The following CLEC2L variants were observed in gnomAD, a reference collection of about 807,000 sequenced individuals.
CLEC2L encodes C-type lectin domain family 2 member L, also known as C-type lectin domain family 2, member L.
Under a neutral mutation model 23.6 loss-of-function variants are expected in CLEC2L, and 14 were observed. The observed-to-expected ratio is 0.59, with a 90% CI of 0.39 to 0.93. The LOEUF is 0.93. Ranked by LOEUF, CLEC2L falls within the 40% of genes least tolerant of loss-of-function variation. CLEC2L has a pLI of 0.00. For missense variants in CLEC2L, 264 were observed against 282.4 expected, an observed-to-expected ratio of 0.93 and a Z score of 0.47; for synonymous variants, 114 against 121.3, an observed-to-expected ratio of 0.94 and a Z score of 0.40.
chr7:139,527,861 C>G (rs923110907), intron 1 of CLEC2L, among the ~76,000 whole-genome samples: 1 of 152,062 alleles, frequency 6.6e-6, no homozygotes, highest in Non-Finnish European at 1.5e-5. Context: ...TAAAAATTAC[C>G]AAACTTCACA....
chr7:139,534,623 G>A (rs1189647454), intron 1 of CLEC2L: 10 of 657,772 alleles, frequency 1.5e-5, no homozygotes, highest in South Asian at 1.1e-4. Context: ...GTGCTGTAGC[G>A]GAAGTTTTGT....
At chr7:139,542,692 G>A (rs1166401787) in intron 4 of CLEC2L, among the ~76,000 whole-genome samples, 6 of 152,210 alleles carry the variant, frequency 3.9e-5, no homozygotes, top group Non-Finnish European at 8.8e-5. Context: ...TGGACGGAGC[G>A]CTGCTGAGGT....
At chr7:139,525,553 C>G (rs111992054) in intron 1 of CLEC2L, among the ~76,000 whole-genome samples, 2 of 152,126 alleles carry the variant, frequency 1.3e-5, no homozygotes, top group Non-Finnish European at 2.9e-5. Context: ...GACACCCCCC[C>G]GTGACGCTGT....
Position 139,524,072 on chromosome 7 carries a change from G to T in CLEC2L, c.145G>T (p.Gly49Trp). 7.3e-6 allele frequency: 9 copies of T among 1,225,506 alleles called. No individual in the cohort carries two copies. Among genetic ancestry groups the T allele is most frequent in the South Asian group, 4.1e-5 (1 of 24,246 alleles). 75.9% of individuals were successfully genotyped at this position (1,225,506 alleles called of 1,614,324 possible). ...RGPEGLLRRS[G>W]SGYEGSTSWK... is the part of the protein sequence containing the mutation. Reference sequence around the variant, plus strand: ...CCCCGAGGGGCTGCTGCGGCGATCCGGGTCGGGCTACGAGGGCAGCACCAG... The same window carrying T: ...CCCCGAGGGGCTGCTGCGGCGATCCTGGTCGGGCTACGAGGGCAGCACCAG... Residue 49 changes from glycine to tryptophan, a missense_variant, in exon 1 of 5, where the codon GGG (glycine) becomes TGG (tryptophan). Gly to Trp is a radical substitution (Grantham distance 184). Transcript: ENST00000422142.
intron 2 of CLEC2L, among the ~76,000 whole-genome samples, chr7:139,537,918 G>GC (rs1797682067): frequency 6.6e-6 from 1 of 152,166 alleles, no homozygotes; most frequent in Admixed American, 6.5e-5. Flanking sequence ...TATGAACAGG[G>GC]AATCTGATTA....
At chr7:139,535,795 T>A (rs1276096917) in intron 1 of CLEC2L, among the ~76,000 whole-genome samples, 4 of 152,084 alleles carry the variant, frequency 2.6e-5, no homozygotes, top group Non-Finnish European at 5.9e-5. Flanking sequence ...GAACGGGTTA[T>A]TTTGAGGAAC....
intron 1 of CLEC2L, among the ~76,000 whole-genome samples, chr7:139,531,352 T>C (rs1490096858): frequency 6.6e-6 from 1 of 152,102 alleles, no homozygotes; most frequent in Non-Finnish European, 1.5e-5. Context: ...GGGGTATTCA[T>C]AGAGCAGCAG....
chr7:139,534,382 C>T (rs1339542500), intron 1 of CLEC2L: 2 of 934,082 alleles, frequency 2.1e-6, no homozygotes, highest in Admixed American at 1.7e-5. Context: ...CCCAACAGTC[C>T]CTCTATCAAA....
chr7:139,542,209 C>T, intron 4 of CLEC2L, 88 bp downstream of exon 4: 1 of 878,962 alleles, frequency 1.1e-6, no homozygotes, highest in African/African-American at 1.7e-5. Flanking sequence ...AAGAGAGAAG[C>T]CCTTGTTTTG....
intron 4 of CLEC2L, among the ~76,000 whole-genome samples, chr7:139,543,671 T>C (rs898572762): frequency 2.8e-4 from 43 of 152,172 alleles, no homozygotes; most frequent in Non-Finnish European, 5.0e-4. Context: ...TTAGCCCATA[T>C]TGGGGTCATT....
Position 139,537,890 on chromosome 7 carries a change from T to C in CLEC2L, c.265+1542T>C, listed in dbSNP as rs138077116. Among the ~76,000 whole-genome samples, 392 of 152,290 alleles carry C rather than the reference T, an allele frequency of 2.6e-3. 2 individuals carry two copies. The highest frequency in any genetic ancestry group is 8.7e-3 in the African/African-American group (360 of 41,562). On this transcript the variant is annotated intron_variant, in intron 2 of 4. Transcript: ENST00000422142. Reference sequence around the variant, plus strand: ...AAATGAAAAAGGTAGAAACTGCAACTAAGAACATGTGAGGCTATATGAACA... The same window carrying C: ...AAATGAAAAAGGTAGAAACTGCAACCAAGAACATGTGAGGCTATATGAACA...
At chr7:139,534,599 C>G (rs1416231700) in intron 1 of CLEC2L, 1 of 707,328 alleles carries the variant, frequency 1.4e-6, no homozygotes, top group East Asian at 2.5e-5. Context: ...GCTTGGAACA[C>G]AGGTGAGTAC....
At chr7:139,531,836 G>A (rs975198859) in intron 1 of CLEC2L, among the ~76,000 whole-genome samples, 23 of 151,968 alleles carry the variant, frequency 1.5e-4, no homozygotes, top group African/African-American at 5.3e-4. Flanking sequence ...CTTGAACCCA[G>A]GAGGTGGAGG....
rs1263653447 is a variant in CLEC2L, at chr7:139,536,274, A to G, written c.191A>G (p.Asp64Gly). The G allele has an allele frequency of 6.4e-7, 1 of 1,550,744 alleles. No individual in the cohort carries two copies. Among genetic ancestry groups the G allele is most frequent in the Non-Finnish European group, 8.7e-7 (1 of 1,146,680 alleles). Residue 64 changes from aspartate to glycine, a missense_variant and splice_region_variant, in exon 2 of 5, where the codon GAC becomes GGC. Physicochemically the swap from Asp to Gly is moderately conservative, Grantham distance 94. Coordinates refer to ENST00000422142, the MANE Select transcript of CLEC2L (RefSeq NM_001080511.4). ...GSTSWKAALE[D>G]TTTRLLLGAI... ...GTTGAACCCCTCTCTCTTCTCCTAG[A>G]CACCACCACACGCCTCCTGCTGGGT... is the stretch of plus-strand genomic sequence containing the variant.
chr7:139,533,113 A>G (rs1797603103), intron 1 of CLEC2L, among the ~76,000 whole-genome samples: 1 of 152,228 alleles, frequency 6.6e-6, no homozygotes, highest in African/African-American at 2.4e-5. Flanking sequence ...ATAACACCAA[A>G]GTATCAAGCT....
Position 139,540,337 on chromosome 7 carries a change from C to G in CLEC2L, c.282C>G (p.Ile94Met). The G allele has an allele frequency of 1.9e-6, 3 of 1,610,508 alleles. No individual in the cohort carries two copies. Among genetic ancestry groups the G allele is most frequent in the Non-Finnish European group, 2.5e-6 (3 of 1,178,820 alleles). The change falls in exon 3 of 5, where the codon ATC (isoleucine) becomes ATG (methionine). Residue 94 changes from isoleucine (I) to methionine (M), a missense_variant. Ile to Met is a conservative substitution (Grantham distance 10). Transcript: ENST00000422142. The surrounding 1 kb of genome is among the most constrained non-coding windows in gnomAD (Gnocchi z 5.8). ...TCCCTGCAGCTTCCAAGGGCTGCAT[C>G]AAGTGCGAAGCGCCCTGCCCGGAGG... is the stretch of plus-strand genomic sequence containing the variant. The part of the protein sequence containing the change: ...VMSILASKGC[I>M]KCEAPCPEDW...
Position 139,532,895 on chromosome 7 carries a change from G to T in CLEC2L, c.191-3379G>T, listed in dbSNP as rs1386569925. On this transcript the variant is annotated intron_variant, in intron 1 of 4. Transcript: ENST00000422142. The stretch of plus-strand genomic sequence containing the variant: ...CAGTCTATGACAGTTTGTTATAGCA[G>T]ACTGAACTAAGACCAAAGTGAAAGA... 2.0e-5 allele frequency among the ~76,000 whole-genome samples: 3 copies of T among 152,208 alleles called. No homozygotes were observed. The East Asian group carries it at 5.8e-4, about 29-fold the overall frequency.
intron 1 of CLEC2L, among the ~76,000 whole-genome samples, chr7:139,525,516 G>C (rs1486046272): frequency 6.6e-6 from 1 of 151,322 alleles, no homozygotes; most frequent in African/African-American, 2.4e-5. Context: ...GTTGTGAAGA[G>C]TTGTGTGGAA....
chr7:139,530,977 G>A (rs190451705), intron 1 of CLEC2L, among the ~76,000 whole-genome samples: 26 of 152,172 alleles, frequency 1.7e-4, no homozygotes, highest in Non-Finnish European at 1.3e-4. Context: ...CCTCCTCCAT[G>A]GACTCTCATC....
Sources: gnomAD v4.1 joint callset for allele counts (sites outside exome capture counted in the v4.1 genomes callset) on GRCh38, gnomAD v4.1.1 for gene constraint, Gnocchi (gnomAD v3.1) non-coding constraint, MANE v1.5 for transcripts, NCBI Gene and HGNC (gene_info 2026-07-23, HGNC 2026-07-21) for gene names.